Variants in HDAC9 observed in about 807,000 individuals in gnomAD.
HDAC9 encodes histone deacetylase 9.
In HDAC9, 41 loss-of-function variants were observed where a neutral mutation model predicts 139.4. The ratio of observed to expected loss-of-function variants is 0.29; its 90% CI spans 0.23 to 0.38. The LOEUF is 0.38. Ranked by LOEUF, HDAC9 falls within the 10% of genes least tolerant of loss-of-function variation. HDAC9 has a pLI of 1.00. For missense variants in HDAC9, 1,147 were observed against 1,297.0 expected (o/e 0.88, Z 1.78); for synonymous variants, 517 against 476.2 (o/e 1.09, Z -1.12).
At chr7:18,435,496 C>T (rs776743276) in intron 1 of HDAC9, among the ~76,000 whole-genome samples, 10 of 151,998 alleles carry the variant, frequency 6.6e-5, no homozygotes, top group African/African-American at 2.2e-4. Context: ...GCAAAACTTT[C>T]GAGAGAGAGA....
chr7:18,684,493 CAAT>C (rs1374728283), intron 12 of HDAC9, among the ~76,000 whole-genome samples: 3 of 142,814 alleles, frequency 2.1e-5, no homozygotes, highest in Non-Finnish European at 3.0e-5. Flanking sequence ...AACAAACAAA[CAAT>C]AAAACTATAC....
intron 12 of HDAC9, among the ~76,000 whole-genome samples, chr7:18,714,500 G>A (rs1178120): frequency 0.16 from 24,329 of 152,116 alleles, 2,373 homozygotes; most frequent in East Asian, 0.28. Context: ...GTCTTATGGA[G>A]TCTTACGAAT....
chr7:18,907,618 A>G (rs1270055165), intron 22 of HDAC9, among the ~76,000 whole-genome samples: 1 of 152,218 alleles, frequency 6.6e-6, no homozygotes, highest in Non-Finnish European at 1.5e-5. Flanking sequence ...CTTTGGAGCT[A>G]TAGCTAGATA....
At chr7:18,729,372 AG>A (rs994599554) in intron 13 of HDAC9, among the ~76,000 whole-genome samples, 6 of 152,094 alleles carry the variant, frequency 3.9e-5, no homozygotes, top group Non-Finnish European at 7.4e-5. Context: ...GATGTGCCCA[AG>A]TTTGCTACTG....
intron 21 of HDAC9, among the ~76,000 whole-genome samples, chr7:18,847,618 G>C (rs892096434): frequency 1.3e-5 from 2 of 152,160 alleles, no homozygotes; most frequent in African/African-American, 2.4e-5. Context: ...AGCTTCTAGA[G>C]TCTCTCACAA....
chr7:18,742,068 G>A (rs576000855), intron 13 of HDAC9, among the ~76,000 whole-genome samples: 26 of 152,244 alleles, frequency 1.7e-4, no homozygotes, highest in Non-Finnish European at 3.2e-4. Context: ...TTGAAATGAC[G>A]AGAAAGGATT....
At chr7:18,417,072 A>T (rs1789141605) in intron 1 of HDAC9, among the ~76,000 whole-genome samples, 1 of 152,114 alleles carries the variant, frequency 6.6e-6, no homozygotes, top group African/African-American at 2.4e-5. Flanking sequence ...CCAGTTACGA[A>T]TATATTAGAC....
At chr7:18,100,375 A>G (rs1782768642) in intron 1 of HDAC9, among the ~76,000 whole-genome samples, 1 of 151,986 alleles carries the variant, frequency 6.6e-6, no homozygotes, top group African/African-American at 2.4e-5. Context: ...GTTAGTCATT[A>G]TTTCTTCAGA....
chr7:18,121,544 CA>C (rs5882646), intron 1 of HDAC9, among the ~76,000 whole-genome samples: 4,315 of 108,732 alleles, frequency 0.04, 61 homozygotes, highest in South Asian at 0.065. Flanking sequence ...TAAGAATATG[CA>C]AAAAAAAAAA....
At chr7:18,856,463 A>G (rs1797689249) in intron 21 of HDAC9, among the ~76,000 whole-genome samples, 1 of 152,156 alleles carries the variant, frequency 6.6e-6, no homozygotes, top group Non-Finnish European at 1.5e-5. Context: ...CTGCATAGAA[A>G]TTGCCCCTAA....
At chr7:18,250,200 G>A (rs1794830299) in intron 2 of HDAC9, among the ~76,000 whole-genome samples, 1 of 152,212 alleles carries the variant, frequency 6.6e-6, no homozygotes, top group African/African-American at 2.4e-5. Context: ...GCCCATGTAA[G>A]ATAGATGAAG....
At chr7:18,563,482 C>A (rs745844322) in intron 2 of HDAC9, among the ~76,000 whole-genome samples, 1 of 152,126 alleles carries the variant, frequency 6.6e-6, no homozygotes, top group Non-Finnish European at 1.5e-5. Context: ...CATTTTCCAT[C>A]CCCTAATATC....
At chr7:18,512,545 C>T (rs2128190496) in intron 2 of HDAC9, among the ~76,000 whole-genome samples, 1 of 152,178 alleles carries the variant, frequency 6.6e-6, no homozygotes, top group South Asian at 2.1e-4. Flanking sequence ...GTTATTTATT[C>T]CCAAATTAAT....
chr7:18,793,572 G>A lies in HDAC9; in HGVS notation c.2322+120G>A, dbSNP rs529101693. ...ATAAAAGGAAGGGCAGAAGGAAGAG[G>A]GTAGAGATGGCCACTAAGGTGTGAT... On this transcript the variant is annotated intron_variant, in intron 17 of 25. Transcript: ENST00000686413. 198 of 711,532 alleles carry A rather than the reference G, an allele frequency of 2.8e-4. 1 individual carries two copies. The African/African-American group carries it at 3.1e-3, about 11-fold the overall frequency. The allele number at this position is 711,532 out of a possible 1,614,324, so 44.1% of individuals were successfully genotyped here. A position where few individuals can be genotyped will look rare whatever the true frequency, so the allele number is the denominator to read the frequency against.
At chr7:18,255,327 T>C (rs1284791206) in intron 2 of HDAC9, among the ~76,000 whole-genome samples, 1 of 152,194 alleles carries the variant, frequency 6.6e-6, no homozygotes, top group East Asian at 1.9e-4. Flanking sequence ...AGATTCTTTT[T>C]AGGTTGGAGA....
At chr7:18,928,088 T>C (rs1385365795) in intron 22 of HDAC9, among the ~76,000 whole-genome samples, 1 of 152,210 alleles carries the variant, frequency 6.6e-6, no homozygotes, top group African/African-American at 2.4e-5. Flanking sequence ...AATTGGCTGC[T>C]GATTCTAGAG....
At chr7:18,292,071 C>G (rs183676394) in intron 1 of HDAC9, among the ~76,000 whole-genome samples, 9 of 152,186 alleles carry the variant, frequency 5.9e-5, no homozygotes. Context: ...CTGAGGATGG[C>G]AACAAATGGA....
intron 2 of HDAC9, among the ~76,000 whole-genome samples, chr7:18,540,103 C>CAAAAAAAAAAAAAAAAAA (rs34620445): frequency 3.4e-5 from 2 of 58,424 alleles, no homozygotes; most frequent in Admixed American, 2.0e-4. Flanking sequence ...ACTAAAAATA[C>CAAAAAAAAAAAAAAAAAA]AAAAAAAAAA....
intron 14 of HDAC9, among the ~76,000 whole-genome samples, chr7:18,756,301 T>A (rs529458618): frequency 6.6e-6 from 1 of 152,202 alleles, no homozygotes; most frequent in Non-Finnish European, 1.5e-5. Flanking sequence ...GAAACAAAGA[T>A]GACACTAACT....
Sources: allele counts gnomAD v4.1 joint callset (sites outside exome capture counted in the v4.1 genomes callset), GRCh38; gene constraint gnomAD v4.1.1; transcripts MANE v1.5; gene names NCBI Gene and HGNC (gene_info 2026-07-23, HGNC 2026-07-21).